The following ASIC2 variants were observed in gnomAD, a reference collection of about 807,000 sequenced individuals.
ASIC2 encodes the protein acid sensing ion channel subunit 2, also known as acid-sensing ion channel 2.
In ASIC2, 25 loss-of-function variants were observed where a neutral mutation model predicts 57.3. The observed-to-expected ratio is 0.44, with a 90% CI of 0.32 to 0.61. The LOEUF (loss-of-function observed/expected upper bound fraction) is 0.61. ASIC2 is among the 20% of genes least tolerant of loss of function. ASIC2 has a pLI of 0.06. For synonymous variants in ASIC2, 319 were observed against 307.5 expected, an observed-to-expected ratio of 1.04 and a Z score of -0.39; for missense variants, 641 against 738.1, an observed-to-expected ratio of 0.87 and a Z score of 1.52.
chr17:33,799,401 TC>T (rs1912030420), intron 1 of ASIC2, among the ~76,000 whole-genome samples: 2 of 58,028 alleles, frequency 3.4e-5, no homozygotes, highest in Admixed American at 1.6e-4. Context: ...TTTCTTTCTT[TC>T]TTTTCTTTCT....
At chr17:33,495,999 G>C (rs1913919199) in intron 1 of ASIC2, among the ~76,000 whole-genome samples, 1 of 152,176 alleles carries the variant, frequency 6.6e-6, no homozygotes, top group South Asian at 2.1e-4. Context: ...AGCCACAGAG[G>C]CAGATTGAAC....
intron 1 of ASIC2, among the ~76,000 whole-genome samples, chr17:33,512,637 A>T (rs1170453430): frequency 6.6e-6 from 1 of 152,086 alleles, no homozygotes; most frequent in East Asian, 1.9e-4. Flanking sequence ...TCACGTCTAC[A>T]CTCCTGCTTA....
Position 33,368,137 on chromosome 17 carries a change from T to C in ASIC2, c.556-256070A>G, listed in dbSNP as rs559040125. 1.2e-4 allele frequency among the ~76,000 whole-genome samples: 18 copies of C among 152,292 alleles called. No individual in the cohort carries two copies. In the South Asian group the frequency reaches 1.9e-3, roughly 16 times the overall value. On this transcript the variant is annotated intron_variant, in intron 1 of 9. Transcript: ENST00000359872. Reference sequence around the variant, plus strand: ...CTCTCTTCTTGAACCCAGTGGACCATTGTAACAGCTTTGATCAATGGGATA... The same window carrying C: ...CTCTCTTCTTGAACCCAGTGGACCACTGTAACAGCTTTGATCAATGGGATA...
At chr17:33,811,468 A>T (rs1912420421) in intron 1 of ASIC2, among the ~76,000 whole-genome samples, 1 of 152,190 alleles carries the variant, frequency 6.6e-6, no homozygotes, top group African/African-American at 2.4e-5. Context: ...GCATTGTTTC[A>T]TTTAATCTCC....
At chr17:33,053,614 T>C (rs2091986281) in intron 3 of ASIC2, among the ~76,000 whole-genome samples, 2 of 152,194 alleles carry the variant, frequency 1.3e-5, no homozygotes, top group Non-Finnish European at 2.9e-5. Context: ...CCTCCTCCAA[T>C]CTGACCCCCA....
intron 1 of ASIC2, among the ~76,000 whole-genome samples, chr17:33,734,335 G>T (rs892282914): frequency 1.3e-5 from 2 of 152,012 alleles, no homozygotes; most frequent in Admixed American, 1.3e-4. Flanking sequence ...TTCCCCCCGG[G>T]CTCCCACGTG....
At position 33,291,437 on chromosome 17, in the gene ASIC2, C is replaced by T. The variant is rs1218880352; in HGVS notation, c.679G>A (p.Glu227Lys). ...GAGAAGTTGTGCGGCCCGCAGAGCT[C>T]GCCGCGGTACTTGCAGGAGAGCAGC... is the stretch of plus-strand genomic sequence containing the variant. ...DMLLSCKYRG[E>K]LCGPHNFSSV... Residue 227 changes from glutamate (E) to lysine (K), a missense_variant, in exon 1 of 10, where the codon GAG becomes AAG. By Grantham distance (56) the Glu-to-Lys change is moderately conservative. Around this residue, in one of 3 missense-constraint regions of ASIC2, gnomAD observed 382 missense variants for 398.0 expected, o/e 0.96. Transcript: ENST00000225823. 3.1e-6 allele frequency: 5 copies of T among 1,605,946 alleles called. No homozygotes were observed. In the South Asian group the frequency reaches 4.4e-5, roughly 14 times the overall value.
intron 1 of ASIC2, among the ~76,000 whole-genome samples, chr17:33,495,188 A>G (rs1913888577): frequency 6.6e-6 from 1 of 152,040 alleles, no homozygotes; most frequent in Non-Finnish European, 1.5e-5. Context: ...TGCCTCCTTA[A>G]ATTTTGTGCC....
At position 33,544,830 on chromosome 17, in the gene ASIC2, T is replaced by TC. The variant is rs1915530407; in HGVS notation, c.556-432764_556-432763insG. ...GTATTCCTAGAATGTGTATTCACCT[T>TC]TAGAATCTTCTGATTTTTTTTTTGA... is the stretch of plus-strand genomic sequence containing the variant. On this transcript the variant is annotated intron_variant, in intron 1 of 9. Coordinates refer to the ASIC2 transcript ENST00000359872. Among the ~76,000 whole-genome samples the TC allele has an allele frequency of 2.0e-5, 3 of 152,156 alleles. No individual in the cohort carries two copies. The East Asian group carries it at 5.8e-4, about 29-fold the overall frequency.
intron 1 of ASIC2, among the ~76,000 whole-genome samples, chr17:33,197,267 G>T (rs2142074283): frequency 6.6e-6 from 1 of 152,330 alleles, no homozygotes; most frequent in African/African-American, 2.4e-5. Flanking sequence ...AGGGGGTTTA[G>T]CACCTGGACT....
intron 1 of ASIC2, among the ~76,000 whole-genome samples, chr17:33,318,677 G>A (rs1328033403): frequency 1.3e-5 from 2 of 152,144 alleles, no homozygotes; most frequent in Non-Finnish European, 2.9e-5. Context: ...TCACCGTGAG[G>A]AAGGTAAATC....
At chr17:33,063,992 C>T (rs1598259595) in intron 3 of ASIC2, among the ~76,000 whole-genome samples, 2 of 152,208 alleles carry the variant, frequency 1.3e-5, no homozygotes, top group Admixed American at 1.3e-4. Context: ...AGTTCTCGTG[C>T]CATGGTTTTC....
At chr17:33,097,304 T>C (rs2092185899) in intron 2 of ASIC2, among the ~76,000 whole-genome samples, 1 of 152,246 alleles carries the variant, frequency 6.6e-6, no homozygotes, top group African/African-American at 2.4e-5. Flanking sequence ...TTGATCCTGC[T>C]GGCTCCTCCC....
At chr17:33,861,821 G>T (rs1345373538) in intron 1 of ASIC2, among the ~76,000 whole-genome samples, 1 of 152,176 alleles carries the variant, frequency 6.6e-6, no homozygotes, top group Non-Finnish European at 1.5e-5. Context: ...TACAATAGAT[G>T]CAATATCCCT....
At chr17:33,852,378 G>A (rs1053715277) in intron 1 of ASIC2, among the ~76,000 whole-genome samples, 1 of 152,122 alleles carries the variant, frequency 6.6e-6, no homozygotes, top group African/African-American at 2.4e-5. Context: ...CCCCTTTCTG[G>A]TGGAGATCAG....
intron 1 of ASIC2, chr17:34,005,809 C>T (rs966905158): frequency 3.9e-5 from 6 of 152,214 alleles, no homozygotes; most frequent in African/African-American, 1.4e-4. Flanking sequence ...TTACTTACAT[C>T]TACTGGAGAA....
intron 1 of ASIC2, among the ~76,000 whole-genome samples, chr17:33,959,687 C>A (rs1225470936): frequency 1.8e-4 from 27 of 152,226 alleles, no homozygotes; most frequent in Non-Finnish European, 7.3e-5. Flanking sequence ...CTTCCAGCTT[C>A]TTCCTGCCTT....
chr17:34,029,341 G>A (rs1907498414), intron 1 of ASIC2, among the ~76,000 whole-genome samples: 1 of 132,590 alleles, frequency 7.5e-6, no homozygotes, highest in Non-Finnish European at 1.6e-5. Context: ...ATGAATGAAT[G>A]AATGCCCTGA....
chr17:33,282,664 G>T (rs1388652438), intron 1 of ASIC2, among the ~76,000 whole-genome samples: 2 of 152,082 alleles, frequency 1.3e-5, no homozygotes, highest in Non-Finnish European at 2.9e-5. Flanking sequence ...TAGTAGAGAT[G>T]GGGTTTCACC....
Sources: gnomAD v4.1 joint callset for allele counts (sites outside exome capture counted in the v4.1 genomes callset) on GRCh38, gnomAD v4.1.1 for gene constraint, gnomAD v4.1.1 regional missense constraint, MANE v1.5 for transcripts, NCBI Gene and HGNC (gene_info 2026-07-23, HGNC 2026-07-21) for gene names.